The following SNX29 variants were observed in gnomAD, a reference collection of about 807,000 sequenced individuals.
The protein encoded by SNX29 is sorting nexin 29, also known as sorting nexin-29.
In SNX29, 78 loss-of-function variants were observed where a neutral mutation model predicts 102.1. The observed-to-expected ratio is 0.76, with a 90% CI of 0.64 to 0.92. SNX29 has a LOEUF of 0.92. SNX29 is among the 40% of genes least tolerant of loss of function. The probability of loss-of-function intolerance (pLI) is 0.00; values close to 1 mark genes in which losing one functional copy is unlikely to be tolerated. For synonymous variants in SNX29, 580 were observed against 414.5 expected, an observed-to-expected ratio of 1.40 and a Z score of -4.85; for missense variants, 1,280 against 1,061.7, an observed-to-expected ratio of 1.21 and a Z score of -2.86.
At chr16:12,109,111 G>A (rs560406312) in intron 11 of SNX29, among the ~76,000 whole-genome samples, 92 of 115,566 alleles carry the variant, frequency 8.0e-4, no homozygotes, top group Admixed American at 2.6e-3. Flanking sequence ...CTGGGCAATA[G>A]AGTGAGGCGC....
intron 3 of SNX29, among the ~76,000 whole-genome samples, chr16:12,004,716 C>T (rs75941637): frequency 6.6e-6 from 1 of 152,164 alleles, no homozygotes; most frequent in African/African-American, 2.4e-5. Flanking sequence ...AGAATTTTAA[C>T]AGCCATGAGA....
At chr16:12,211,145 C>A (rs1349840990) in intron 14 of SNX29, among the ~76,000 whole-genome samples, 1 of 152,152 alleles carries the variant, frequency 6.6e-6, no homozygotes. Context: ...GGCACCGTTT[C>A]ATTCATTCAG....
chr16:12,556,859 T>G (rs1458011510), intron 20 of SNX29, among the ~76,000 whole-genome samples: 7 of 146,436 alleles, frequency 4.8e-5, no homozygotes, highest in Non-Finnish European at 9.1e-5. Context: ...AAAAATTGAA[T>G]TTTTTTTTTT....
intron 18 of SNX29, among the ~76,000 whole-genome samples, chr16:12,436,611 AG>A (rs1235417671): frequency 6.6e-6 from 1 of 152,222 alleles, no homozygotes; most frequent in Non-Finnish European, 1.5e-5. Flanking sequence ...TCAGGGTCCT[AG>A]CCCCTGGCCT....
intron 14 of SNX29, among the ~76,000 whole-genome samples, chr16:12,237,565 G>A (rs1375456974): frequency 6.6e-6 from 1 of 152,116 alleles, no homozygotes; most frequent in East Asian, 1.9e-4. Flanking sequence ...GAGGTCAGGA[G>A]TTTGAGACCA....
intron 1 of SNX29, among the ~76,000 whole-genome samples, chr16:11,994,250 C>T (rs555483166): frequency 1.3e-5 from 2 of 152,292 alleles, no homozygotes; most frequent in African/African-American, 4.8e-5. Context: ...GGTTTGTGGA[C>T]CCCTGGAGGT....
intron 18 of SNX29, among the ~76,000 whole-genome samples, chr16:12,461,087 G>A (rs956085844): frequency 6.6e-6 from 1 of 152,228 alleles, no homozygotes; most frequent in African/African-American, 2.4e-5. Flanking sequence ...TTTACATTAA[G>A]AAATTGAAGC....
At chr16:12,545,299 C>T (rs982282078) in intron 20 of SNX29, among the ~76,000 whole-genome samples, 7 of 152,098 alleles carry the variant, frequency 4.6e-5, no homozygotes, top group South Asian at 2.1e-4. Flanking sequence ...GCCCTCTTTA[C>T]ATCTGGAAGA....
At chr16:12,157,761 G>T (rs1481529891) in intron 13 of SNX29, among the ~76,000 whole-genome samples, 2 of 152,112 alleles carry the variant, frequency 1.3e-5, no homozygotes, top group African/African-American at 2.4e-5. Context: ...GGGCTTGAGT[G>T]GTGCCCTATT....
At chr16:12,261,762 G>A (rs567803420) in intron 14 of SNX29, among the ~76,000 whole-genome samples, 3 of 131,776 alleles carry the variant, frequency 2.3e-5, no homozygotes, top group South Asian at 5.2e-4. Context: ...CTGTGCGTGC[G>A]TCCCCGGCTG....
At chr16:12,218,655 A>C (rs2077389214) in intron 14 of SNX29, among the ~76,000 whole-genome samples, 1 of 152,210 alleles carries the variant, frequency 6.6e-6, no homozygotes, top group African/African-American at 2.4e-5. Flanking sequence ...TCCTGATCAA[A>C]AGATGTATAG....
At chr16:12,026,687 T>C (rs2057199388) in intron 3 of SNX29, among the ~76,000 whole-genome samples, 1 of 152,242 alleles carries the variant, frequency 6.6e-6, no homozygotes, top group African/African-American at 2.4e-5. Context: ...TCACAATGTA[T>C]TCTCTTACAA....
chr16:12,349,214 A>ATTC (rs1334155390), intron 15 of SNX29, among the ~76,000 whole-genome samples: 1 of 152,208 alleles, frequency 6.6e-6, no homozygotes, highest in Non-Finnish European at 1.5e-5. Context: ...GTTGCCTGAA[A>ATTC]GGCCATGTGA....
intron 15 of SNX29, among the ~76,000 whole-genome samples, chr16:12,278,827 G>A (rs1483864394): frequency 6.6e-6 from 1 of 152,176 alleles, no homozygotes; most frequent in Non-Finnish European, 1.5e-5. Context: ...GTTTATTTAG[G>A]ATTGCAAGGA....
At position 12,569,484 on chromosome 16, in the gene SNX29, C is replaced by T. The variant is rs971936617; in HGVS notation, c.*855C>T. 34 of 231,344 alleles carry T rather than the reference C, an allele frequency of 1.5e-4. No individual in the cohort carries two copies. The highest frequency in any genetic ancestry group is 3.8e-4 in the African/African-American group (17 of 45,246). The allele number at this position is 231,344 out of a possible 1,614,324, so 14.3% of individuals were successfully genotyped here. On this transcript the variant is annotated 3_prime_UTR_variant, in exon 21 of 21. Transcript: ENST00000566228. ...AGAGACTTGGGTCAGGGAACCACTGCAGAAGGTTCCAGGGTTTTCAAACCA... is the reference window on the plus strand; with the variant it reads ...AGAGACTTGGGTCAGGGAACCACTGTAGAAGGTTCCAGGGTTTTCAAACCA...
chr16:12,554,026 A>C (rs953595856), intron 20 of SNX29, among the ~76,000 whole-genome samples: 1 of 151,854 alleles, frequency 6.6e-6, no homozygotes, highest in Non-Finnish European at 1.5e-5. Flanking sequence ...CGTTTTAACC[A>C]TGTTGCCCAG....
intron 13 of SNX29, among the ~76,000 whole-genome samples, chr16:12,175,251 G>C (rs187826043): frequency 6.6e-6 from 1 of 152,038 alleles, no homozygotes; most frequent in South Asian, 2.1e-4. Context: ...AATTATGTCC[G>C]CCTACCCCCC....
chr16:12,471,401 C>G (rs2087334986), intron 18 of SNX29, among the ~76,000 whole-genome samples: 1 of 152,216 alleles, frequency 6.6e-6, no homozygotes, highest in Non-Finnish European at 1.5e-5. Context: ...CTAGCACTAT[C>G]TTCATTTATC....
chr16:12,156,521 C>A (rs1011051909), intron 13 of SNX29, among the ~76,000 whole-genome samples: 1 of 152,066 alleles, frequency 6.6e-6, no homozygotes, highest in African/African-American at 2.4e-5. Context: ...TCCCTCCTTG[C>A]CTCTTCCTGC....
Sources: allele counts gnomAD v4.1 joint callset (sites outside exome capture counted in the v4.1 genomes callset), GRCh38; gene constraint gnomAD v4.1.1; transcripts MANE v1.5; gene names NCBI Gene and HGNC (gene_info 2026-07-23, HGNC 2026-07-21).